Variants in NAA15 observed in about 807,000 individuals in gnomAD.
The protein encoded by NAA15 is N-alpha-acetyltransferase 15, NatA auxiliary subunit, also known as N-terminal acetyltransferase.
In NAA15, 34 loss-of-function variants were observed where a neutral mutation model predicts 114.0. The ratio of observed to expected loss-of-function variants is 0.30; its 90% confidence interval spans 0.23 to 0.40. The LOEUF is 0.40. Ranked by LOEUF, NAA15 falls within the 10% of genes least tolerant of loss-of-function variation. The pLI, the probability that NAA15 is intolerant of heterozygous loss-of-function variation, is 1.00. For missense variants in NAA15, 658 were observed against 1,004.5 expected (o/e 0.66, Z 4.66); for synonymous variants, 340 against 338.0 (o/e 1.01, Z -0.06).
Position 139,344,178 on chromosome 4 carries a change from A to G in NAA15, c.538-8A>G, listed in dbSNP as rs749991886. ...CTTACTGTCAGTATTCCTTATATCC[A>G]TATACAGACATCCCCTGACAAGGTG... On this transcript the variant is annotated splice_region_variant and splice_polypyrimidine_tract_variant and intron_variant, in intron 5 of 19. Transcript: ENST00000296543. 4.4e-6 allele frequency: 7 copies of G among 1,602,594 alleles called. No homozygotes were observed. The Admixed American group carries it at 6.8e-5, about 16-fold the overall frequency.
intron 15 of NAA15, among the ~76,000 whole-genome samples, chr4:139,371,798 A>G (rs1312407219): frequency 6.6e-6 from 1 of 151,994 alleles, no homozygotes; most frequent in East Asian, 1.9e-4. Flanking sequence ...TACTTTTACC[A>G]CCTTCACTGC....
chr4:139,387,025 A>T (rs533559756), intron 19 of NAA15, among the ~76,000 whole-genome samples: 1 of 152,214 alleles, frequency 6.6e-6, no homozygotes, highest in South Asian at 2.1e-4. Flanking sequence ...TTATTAATAA[A>T]TATATTCATT....
rs547518626 is a variant in NAA15, at chr4:139,390,486, A to G, written c.*2402A>G. On this transcript the variant is annotated 3_prime_UTR_variant, in exon 20 of 20. Coordinates refer to ENST00000296543, the MANE Select transcript of NAA15 (RefSeq NM_057175.5). ...TACTGTGGGGGAAAAACAGGGTTAGAAAAACAAGTGGAAAAAATGGAGTGA... is the reference window on the plus strand; with the variant it reads ...TACTGTGGGGGAAAAACAGGGTTAGGAAAACAAGTGGAAAAAATGGAGTGA... The G allele has an allele frequency of 6.5e-6, 1 of 152,768 alleles. No individual in the cohort carries two copies. Among genetic ancestry groups the G allele is most frequent in the African/African-American group, 2.4e-5 (1 of 41,584 alleles). The allele number at this position is 152,768 out of a possible 1,614,324, so 9.5% of individuals were successfully genotyped here. A position where few individuals can be genotyped will look rare whatever the true frequency, so the allele number is the denominator to read the frequency against.
intron 17 of NAA15, among the ~76,000 whole-genome samples, chr4:139,379,658 A>T (rs566873859): frequency 6.6e-6 from 1 of 152,330 alleles, no homozygotes; most frequent in African/African-American, 2.4e-5. Context: ...AAATACTATT[A>T]ACTATCACAT....
Position 139,333,514 on chromosome 4 carries a change from C to T in NAA15, c.55-660C>T, listed in dbSNP as rs148708721. Among the ~76,000 whole-genome samples the T allele has an allele frequency of 9.8e-3, 1,482 of 151,894 alleles. 10 individuals carry two copies. The highest frequency in any genetic ancestry group is 0.02 in the Middle Eastern group (6 of 294). On this transcript the variant is annotated intron_variant, in intron 1 of 19. Coordinates refer to ENST00000296543, the MANE Select transcript of NAA15 (RefSeq NM_057175.5). ...ATTTTTTCCGTGTATTTTGCATGGA[C>T]TTTTTTTGGCCCTTTCAGCTTGAAA...
At chr4:139,343,735 C>T (rs765268001) in intron 5 of NAA15, among the ~76,000 whole-genome samples, 10 of 152,196 alleles carry the variant, frequency 6.6e-5, no homozygotes, top group African/African-American at 9.7e-5. Flanking sequence ...CAGTTGTAAA[C>T]GTATTTTTCT....
chr4:139,315,001 T>TTAGGTTAGGTTAGGTTAGGTTAGG (rs1181192026), intron 1 of NAA15, among the ~76,000 whole-genome samples: 2 of 74,382 alleles, frequency 2.7e-5, no homozygotes, highest in Non-Finnish European at 5.1e-5. Flanking sequence ...TTCAGTTCAG[T>TTAGGTTAGGTTAGGTTAGGTTAGG]TTAGTTTAGG....
chr4:139,359,252 C>G (rs540161420), intron 11 of NAA15, among the ~76,000 whole-genome samples: 7 of 152,234 alleles, frequency 4.6e-5, no homozygotes, highest in African/African-American at 1.7e-4. Flanking sequence ...CCTCAGCCTT[C>G]CAAGTAGCTG....
At chr4:139,373,590 T>TGTTTC (rs1560979328) in intron 15 of NAA15, among the ~76,000 whole-genome samples, 1 of 152,162 alleles carries the variant, frequency 6.6e-6, no homozygotes, top group Non-Finnish European at 1.5e-5. Flanking sequence ...CTGTATCACT[T>TGTTTC]GTTTCTCCAA....
chr4:139,388,524 G>C lies in NAA15; in HGVS notation c.*440G>C, dbSNP rs951225169. 6.4e-6 allele frequency: 1 copy of C among 156,780 alleles called. No homozygotes were observed. Among genetic ancestry groups the C allele is most frequent in the African/African-American group, 2.4e-5 (1 of 41,458 alleles). The allele number at this position is 156,780 out of a possible 1,614,324, so 9.7% of individuals were successfully genotyped here. ...TCACTGAGCACAAAGAGTTGTTGGG[G>C]CTTTAGCATCTGACTGATTTTGTTA... On this transcript the variant is annotated 3_prime_UTR_variant, in exon 20 of 20. Coordinates refer to ENST00000296543, the MANE Select transcript of NAA15 (RefSeq NM_057175.5).
chr4:139,359,805 A>C lies in NAA15; in HGVS notation c.1320A>C (p.Ala440=), dbSNP rs1240188039. Residue 440 remains alanine, a synonymous_variant, in exon 12 of 20, where the codon GCA becomes GCC. Transcript: ENST00000296543. ...WMDEAQALDT[A]DRFINSKCAK... ...ATGAGGCCCAGGCCTTGGACACAGCAGACAGATTTATCAACTCCAAATGTG... is the reference window on the plus strand; with the variant it reads ...ATGAGGCCCAGGCCTTGGACACAGCCGACAGATTTATCAACTCCAAATGTG... The C allele has an allele frequency of 6.2e-7, 1 of 1,608,540 alleles. No individual in the cohort carries two copies. The highest frequency in any genetic ancestry group is 1.7e-5 in the Admixed American group (1 of 57,786).
chr4:139,326,888 G>A (rs1194232481), intron 1 of NAA15, among the ~76,000 whole-genome samples: 1 of 151,826 alleles, frequency 6.6e-6, no homozygotes, highest in African/African-American at 2.4e-5. Context: ...ATTAATTTTG[G>A]GTGTCCTTTT....
chr4:139,336,609 TAA>T (rs563055049), intron 2 of NAA15, among the ~76,000 whole-genome samples: 1 of 151,790 alleles, frequency 6.6e-6, no homozygotes, highest in African/African-American at 2.4e-5. Flanking sequence ...TCTTTTATCT[TAA>T]AAAAAAGGAG....
chr4:139,331,533 G>C (rs779629643), intron 1 of NAA15, among the ~76,000 whole-genome samples: 1 of 149,818 alleles, frequency 6.7e-6, no homozygotes, highest in Non-Finnish European at 1.5e-5. Flanking sequence ...TGCAGCCTCC[G>C]CCTCCCAGCT....
At chr4:139,369,848 A>G (rs1454489215) in intron 14 of NAA15, among the ~76,000 whole-genome samples, 2 of 151,388 alleles carry the variant, frequency 1.3e-5, no homozygotes, top group African/African-American at 4.9e-5. Context: ...CTTGTTTCCT[A>G]GGCTGGAGTG....
rs1447490588 is a variant in NAA15, at chr4:139,321,118, AT to A, written c.55-13050del. Among the ~76,000 whole-genome samples, 9 of 148,252 alleles carry A rather than the reference AT, an allele frequency of 6.1e-5. No individual in the cohort carries two copies. The East Asian group carries it at 1.6e-3, about 26-fold the overall frequency. The stretch of plus-strand genomic sequence containing the variant: ...TCTTCTGTTTTTCTTATTTTTTCGT[AT>A]TTTTTCTTTTGCCAAAGCCAAATAT... On this transcript the variant is annotated intron_variant, in intron 1 of 19. Coordinates refer to ENST00000296543, the MANE Select transcript of NAA15 (RefSeq NM_057175.5).
chr4:139,328,802 G>A (rs1279936863), intron 1 of NAA15, among the ~76,000 whole-genome samples: 3 of 151,488 alleles, frequency 2.0e-5, no homozygotes, highest in African/African-American at 4.9e-5. Flanking sequence ...TCTTGATCTC[G>A]TGATCCGCTT....
rs770420396 is a variant in NAA15, at chr4:139,315,051, GTTAGTTTAGT to G, written c.54+13238_54+13247del. Among the ~76,000 whole-genome samples, 73 of 112,450 alleles carry G rather than the reference GTTAGTTTAGT, an allele frequency of 6.5e-4. 8 individuals are homozygous for G. Among genetic ancestry groups the G allele is most frequent in the Non-Finnish European group, 1.0e-3 (53 of 50,592 alleles). 73.8% of individuals were successfully genotyped at this position (112,450 alleles called of 152,430 possible). A position where few individuals can be genotyped will look rare whatever the true frequency, so the allele number is the denominator to read the frequency against. On this transcript the variant is annotated intron_variant, in intron 1 of 19. Transcript: ENST00000296543. ...GTTAGGTTAGGTTAGGTTAGGTTAG[GTTAGTTTAGT>G]TTAGTTTAGTTTAGTTTTTGAGACG... is the stretch of plus-strand genomic sequence containing the variant.
In NAA15 at chr4:139,389,919, C is replaced by T. The variant is rs1166938888; in HGVS notation, c.*1835C>T. On this transcript the variant is annotated 3_prime_UTR_variant, in exon 20 of 20. Coordinates refer to ENST00000296543, the MANE Select transcript of NAA15 (RefSeq NM_057175.5). ...GCTTTGTTATGTTTTATTAACTGGC[C>T]CTGTCTCAGGAACATCTTAACAGAT... 1.3e-5 allele frequency: 2 copies of T among 152,466 alleles called. No individual in the cohort carries two copies. Among genetic ancestry groups the T allele is most frequent in the East Asian group, 3.9e-4 (2 of 5,188 alleles). 9.4% of individuals were successfully genotyped at this position (152,466 alleles called of 1,614,324 possible).
Sources: gnomAD v4.1 joint callset for allele counts (sites outside exome capture counted in the v4.1 genomes callset) on GRCh38, gnomAD v4.1.1 for gene constraint, MANE v1.5 for transcripts, NCBI Gene and HGNC (gene_info 2026-07-23, HGNC 2026-07-21) for gene names.